UTP6: variants seen among roughly 807,000 people sequenced by gnomAD.
UTP6 encodes the protein UTP6 small subunit processome component.
In UTP6, 60 loss-of-function variants were observed where a neutral mutation model predicts 96.5. The ratio of observed to expected loss-of-function variants is 0.62; its 90% CI spans 0.51 to 0.77. The LOEUF (loss-of-function observed/expected upper bound fraction) is 0.77, where lower values mean the gene tolerates loss of function less well. UTP6 is among the 30% of genes least tolerant of loss of function. UTP6 has a pLI of 0.00. For synonymous variants in UTP6, 215 were observed against 240.1 expected (o/e 0.90, Z 0.96); for missense variants, 637 against 706.5 (o/e 0.90, Z 1.12).
intron 8 of UTP6, 125 bp from the exon 9 acceptor site, chr17:31,886,186 G>A (rs977144505): frequency 3.0e-5 from 21 of 710,362 alleles, no homozygotes; most frequent in Admixed American, 1.4e-4. Flanking sequence ...CTCTCTCTCC[G>A]GGCCAGTTCC....
intron 16 of UTP6, among the ~76,000 whole-genome samples, chr17:31,872,658 A>G (rs1477949991): frequency 6.6e-6 from 1 of 152,060 alleles, no homozygotes; most frequent in Non-Finnish European, 1.5e-5. Flanking sequence ...CCTAGGTGAC[A>G]GAGCGAGAAC....
At chr17:31,901,379 AAATT>A (rs1180369446) in intron 1 of UTP6, 153 bp downstream of exon 1, 1 of 674,976 alleles carries the variant, frequency 1.5e-6, no homozygotes, top group Non-Finnish European at 2.5e-6. Flanking sequence ...AACGAATGAA[AAATT>A]AATTCTGGAC....
intron 1 of UTP6, chr17:31,901,252 C>A (rs1904964476): frequency 4.7e-6 from 2 of 427,132 alleles, no homozygotes. Flanking sequence ...ACACTCTGCC[C>A]AATTAGCTCC....
chr17:31,868,098 C>A lies in UTP6; in HGVS notation c.1511G>T (p.Arg504Leu). The change falls in exon 17 of 19, where the codon CGA becomes CTA. Residue 504 changes from arginine to leucine, a missense_variant. Physicochemically the swap from Arg to Leu is moderately radical, Grantham distance 102 (BLOSUM62 -2). Coordinates refer to ENST00000261708, the MANE Select transcript of UTP6 (RefSeq NM_018428.3). ...RAVFKSLQES[R>L]PFSVDFFRKM... ...CCTGAAAAAGTCAACTGAAAATGGTCGGCTCTCCTGTAAACTAAAAAGGAA... is the reference window on the plus strand; with the variant it reads ...CCTGAAAAAGTCAACTGAAAATGGTAGGCTCTCCTGTAAACTAAAAAGGAA... 1 of 1,613,020 alleles carries A rather than the reference C, an allele frequency of 6.2e-7. No homozygotes were observed. Among genetic ancestry groups the A allele is most frequent in the South Asian group, 1.1e-5 (1 of 90,960 alleles).
intron 17 of UTP6, among the ~76,000 whole-genome samples, chr17:31,867,686 G>A (rs550084304): frequency 3.3e-5 from 5 of 152,064 alleles, no homozygotes; most frequent in East Asian, 3.9e-4. Flanking sequence ...GGCCAGGCAC[G>A]GTGGCTCACG....
Position 31,873,420 on chromosome 17 carries a change from T to C in UTP6, c.1454A>G (p.Tyr485Cys). ...GGCCTTTTTGTAGCCACCACTTCGATAAGCCCAATCCAGGTACTTATTCTT... is the reference window on the plus strand; with the variant it reads ...GGCCTTTTTGTAGCCACCACTTCGACAAGCCCAATCCAGGTACTTATTCTT... ...TLKNKYLDWA[Y>C]RSGGYKKARA... Residue 485 changes from tyrosine (Y) to cysteine (C), a missense_variant, in exon 16 of 19, where the codon TAT becomes TGT. By Grantham distance (194) the Tyr-to-Cys change is radical. Transcript: ENST00000261708. The C allele has an allele frequency of 6.2e-7, 1 of 1,614,194 alleles. No individual in the cohort carries two copies. The highest frequency in any genetic ancestry group is 8.5e-7 in the Non-Finnish European group (1 of 1,180,040).
intron 16 of UTP6, among the ~76,000 whole-genome samples, chr17:31,871,269 G>A (rs953118389): frequency 1.3e-5 from 2 of 151,970 alleles, no homozygotes; most frequent in African/African-American, 4.8e-5. Flanking sequence ...TAGGATTACA[G>A]GCATGAGCCA....
chr17:31,890,287 T>G (rs140781323), intron 6 of UTP6, among the ~76,000 whole-genome samples: 2,076 of 151,518 alleles, frequency 0.014, 36 homozygotes, highest in African/African-American at 0.047. Context: ...TAAGCCACCG[T>G]GCCTGGCCCA....
At chr17:31,891,734 A>G (rs1911502416) in intron 6 of UTP6, among the ~76,000 whole-genome samples, 1 of 152,220 alleles carries the variant, frequency 6.6e-6, no homozygotes. Flanking sequence ...AAAAAGAAAT[A>G]CAGTCTGGCC....
Position 31,887,319 on chromosome 17 carries a change from G to C in UTP6, c.544-6C>G. ...ATCAGCTCCATCCTAAAGTACTACA[G>C]AAGAGAAATAAACTGAAAATCTTTG... On this transcript the variant is annotated splice_polypyrimidine_tract_variant and splice_region_variant and intron_variant, in intron 7 of 18. Coordinates refer to ENST00000261708, the MANE Select transcript of UTP6 (RefSeq NM_018428.3). The C allele has an allele frequency of 6.2e-7, 1 of 1,612,774 alleles. No individual in the cohort carries two copies. The highest frequency in any genetic ancestry group is 8.5e-7 in the Non-Finnish European group (1 of 1,179,284).
intron 4 of UTP6, among the ~76,000 whole-genome samples, chr17:31,893,333 G>C (rs1904440346): frequency 6.7e-6 from 1 of 149,298 alleles, no homozygotes; most frequent in African/African-American, 2.5e-5. Flanking sequence ...GGCTGAGGCA[G>C]AAGAATCACT....
intron 2 of UTP6, among the ~76,000 whole-genome samples, chr17:31,895,830 G>A (rs1013590419): frequency 3.3e-5 from 5 of 151,438 alleles, no homozygotes; most frequent in Admixed American, 6.6e-5. Context: ...CACCGTGCCC[G>A]GCCCATCAAT....
intron 16 of UTP6, among the ~76,000 whole-genome samples, chr17:31,872,825 ACCGTC>A (rs746155044): frequency 0.016 from 2,453 of 152,042 alleles, 23 homozygotes; most frequent in Non-Finnish European, 0.024. Flanking sequence ...ACATGATGAA[ACCGTC>A]TCTACTAAAT....
rs984451169 is a variant in UTP6, at chr17:31,863,659, CTT to C, written c.1637-145_1637-144del. On this transcript the variant is annotated intron_variant, in intron 18 of 18. Coordinates refer to ENST00000261708, the MANE Select transcript of UTP6 (RefSeq NM_018428.3). The stretch of plus-strand genomic sequence containing the variant: ...GGACGCTTTGTTTAACAATACCTCT[CTT>C]AGCTTCTTTAAAGTATAGTGGCAGG... The C allele has an allele frequency of 1.6e-5, 12 of 743,986 alleles. No homozygotes were observed. The African/African-American group carries it at 2.1e-4, about 13-fold the overall frequency. The allele number at this position is 743,986 out of a possible 1,614,324, so 46.1% of individuals were successfully genotyped here.
rs562728658 is a variant in UTP6 at position 31,901,361 on chromosome 17, T to C, written c.92+175A>G. 41 of 611,212 alleles carry C rather than the reference T, an allele frequency of 6.7e-5. No individual in the cohort carries two copies. In the South Asian group the frequency reaches 7.8e-4, roughly 12 times the overall value. 37.9% of individuals were successfully genotyped at this position (611,212 alleles called of 1,614,324 possible). On this transcript the variant is annotated intron_variant, in intron 1 of 18. Coordinates refer to ENST00000261708, the MANE Select transcript of UTP6 (RefSeq NM_018428.3). ...CTGATGGGTAAGTAGACGGACGGATTACCTTGCAACGAATGAAAAATTAAT... is the reference window on the plus strand; with the variant it reads ...CTGATGGGTAAGTAGACGGACGGATCACCTTGCAACGAATGAAAAATTAAT...
At chr17:31,881,324 T>C (rs1910827483) in intron 10 of UTP6, among the ~76,000 whole-genome samples, 2 of 149,894 alleles carry the variant, frequency 1.3e-5, no homozygotes, top group South Asian at 4.2e-4. Context: ...TGGAGTGCAG[T>C]GGCACAATCT....
chr17:31,887,805 A>T (rs1398440865), intron 7 of UTP6: 1 of 151,550 alleles, frequency 6.6e-6, no homozygotes, highest in Non-Finnish European at 1.5e-5. Flanking sequence ...TACTAAAAAT[A>T]CAAAAGTTAG....
chr17:31,863,144 C>T lies in UTP6; in HGVS notation c.*215G>A, dbSNP rs1909617973. 1 of 523,336 alleles carries T rather than the reference C, an allele frequency of 1.9e-6. No individual in the cohort carries two copies. The highest frequency in any genetic ancestry group is 3.4e-5 in the East Asian group (1 of 29,820). The allele number at this position is 523,336 out of a possible 1,614,324, so 32.4% of individuals were successfully genotyped here. ...TCACTTGAGTCCAGGAGTTCAAGACCAGCCAGGGCAACAGAGCAAGACCCA... is the reference window on the plus strand; with the variant it reads ...TCACTTGAGTCCAGGAGTTCAAGACTAGCCAGGGCAACAGAGCAAGACCCA... On this transcript the variant is annotated 3_prime_UTR_variant, in exon 19 of 19. Transcript: ENST00000261708.
intron 11 of UTP6, 160 bp downstream of exon 11, chr17:31,880,411 ACT>A (rs1194095610): frequency 2.5e-6 from 2 of 809,918 alleles, no homozygotes; most frequent in East Asian, 2.9e-5. Flanking sequence ...ACAGAACAAG[ACT>A]CTGCCTCCCA....
Sources: allele counts gnomAD v4.1 joint callset (sites outside exome capture counted in the v4.1 genomes callset), GRCh38; gene constraint gnomAD v4.1.1; transcripts MANE v1.5; gene names NCBI Gene and HGNC (gene_info 2026-07-23, HGNC 2026-07-21).